ROBO2: variants seen among roughly 807,000 people sequenced by gnomAD.
ROBO2 encodes roundabout homolog 2.
Under a neutral mutation model 160.8 loss-of-function variants are expected in ROBO2, and 53 were observed. That is an observed-to-expected ratio of 0.33 (90% CI 0.26 to 0.41). ROBO2 has a LOEUF of 0.41. Among genes scored for constraint, ROBO2 ranks in the 10% least tolerant of loss-of-function variants. The pLI, the probability that ROBO2 is intolerant of heterozygous loss-of-function variation, is 1.00. For missense variants in ROBO2, 1,577 were observed against 1,722.4 expected, an observed-to-expected ratio of 0.92 and a Z score of 1.49; for synonymous variants, 664 against 611.7, an observed-to-expected ratio of 1.09 and a Z score of -1.26.
chr3:77,021,976 C>A (rs1355277633), intron 2 of ROBO2, among the ~76,000 whole-genome samples: 1 of 152,154 alleles, frequency 6.6e-6, no homozygotes, highest in African/African-American at 2.4e-5. Context: ...TGTAGTGGCT[C>A]ATACCTATAA....
At chr3:76,972,529 A>T (rs1449166717) in intron 2 of ROBO2, among the ~76,000 whole-genome samples, 1 of 152,034 alleles carries the variant, frequency 6.6e-6, no homozygotes, top group Non-Finnish European at 1.5e-5. Flanking sequence ...TGTATAGATT[A>T]TATATATAAA....
chr3:77,099,701 C>T (rs1480443058), intron 2 of ROBO2, among the ~76,000 whole-genome samples: 1 of 151,948 alleles, frequency 6.6e-6, no homozygotes, highest in Non-Finnish European at 1.5e-5. Context: ...ATTGAAATAC[C>T]TCAATACCAA....
At position 76,882,369 on chromosome 3, in the gene ROBO2, G is replaced by A. The variant is rs78605854; in HGVS notation, c.110-215645G>A. On this transcript the variant is annotated intron_variant, in intron 2 of 26. Transcript: ENST00000487694. The stretch of plus-strand genomic sequence containing the variant: ...ATTATTTCATGTGTTCCACAGCTGA[G>A]TTTATCTTTCTCGGTTTTACCTACT... 1.2e-3 allele frequency among the ~76,000 whole-genome samples: 186 copies of A among 152,136 alleles called. 1 individual carries two copies. Among genetic ancestry groups the A allele is most frequent in the African/African-American group, 4.1e-3 (170 of 41,510 alleles).
At chr3:77,638,367 G>T (rs186004777) in intron 24 of ROBO2, among the ~76,000 whole-genome samples, 4 of 152,250 alleles carry the variant, frequency 2.6e-5, no homozygotes, top group African/African-American at 9.6e-5. Flanking sequence ...TTTTAGCACT[G>T]GGATACCATC....
intron 2 of ROBO2, among the ~76,000 whole-genome samples, chr3:77,288,616 G>T (rs2060785831): frequency 6.6e-6 from 1 of 151,928 alleles, no homozygotes; most frequent in African/African-American, 2.4e-5. Context: ...CAACAGCTGA[G>T]GAAATTTCCA....
chr3:76,910,836 T>G lies in ROBO2; in HGVS notation c.110-187178T>G, dbSNP rs372003319. ...AGGAAGCATTAATCATTAAAATATT[T>G]TTCATGTGTTTCCTTTTGAGGAGGG... is the stretch of plus-strand genomic sequence containing the variant. On this transcript the variant is annotated intron_variant, in intron 2 of 26. Coordinates refer to the ROBO2 transcript ENST00000487694. Among the ~76,000 whole-genome samples the G allele has an allele frequency of 2.0e-5, 3 of 152,076 alleles. No homozygotes were observed. In the East Asian group the frequency reaches 5.8e-4, roughly 29 times the overall value.
chr3:76,290,689 T>C (rs1357247731), intron 2 of ROBO2, among the ~76,000 whole-genome samples: 2 of 152,076 alleles, frequency 1.3e-5, no homozygotes, highest in African/African-American at 4.8e-5. Flanking sequence ...TTTTGAGGTG[T>C]GTTCCTTTGA....
At chr3:76,179,365 A>G (rs984821147) in intron 2 of ROBO2, among the ~76,000 whole-genome samples, 3 of 152,176 alleles carry the variant, frequency 2.0e-5, no homozygotes, top group Non-Finnish European at 2.9e-5. Context: ...TGCCCACTGC[A>G]AACCTACCTC....
At chr3:77,629,610 T>G (rs554844137) in intron 23 of ROBO2, 3 of 152,204 alleles carry the variant, frequency 2.0e-5, no homozygotes, top group Non-Finnish European at 2.9e-5. Flanking sequence ...TAAATATCAA[T>G]ATTCAAGTAT....
chr3:77,337,195 G>A (rs9855374), intron 2 of ROBO2, among the ~76,000 whole-genome samples: 121,516 of 152,156 alleles, frequency 0.8, 48,970 homozygotes, highest in Non-Finnish European at 0.86. Context: ...CACTGTCACA[G>A]AGATACATTT....
chr3:76,302,353 A>C (rs878994134), intron 2 of ROBO2, among the ~76,000 whole-genome samples: 1 of 152,124 alleles, frequency 6.6e-6, no homozygotes, highest in Non-Finnish European at 1.5e-5. Context: ...TAGTAAAGTT[A>C]ACTGTGCAAC....
intron 2 of ROBO2, among the ~76,000 whole-genome samples, chr3:76,729,235 CTT>C (rs3041236): frequency 0.64 from 96,125 of 151,094 alleles, 30,542 homozygotes; most frequent in Admixed American, 0.67. Flanking sequence ...GAGTAACTGT[CTT>C]TTTTTTTTTT....
chr3:77,390,019 C>T (rs1048241998), intron 2 of ROBO2, among the ~76,000 whole-genome samples: 2 of 152,162 alleles, frequency 1.3e-5, no homozygotes, highest in Non-Finnish European at 2.9e-5. Flanking sequence ...TGTATTTAAA[C>T]AGCAGCAACC....
intron 2 of ROBO2, among the ~76,000 whole-genome samples, chr3:76,619,192 T>A (rs1363860493): frequency 6.6e-6 from 1 of 151,308 alleles, no homozygotes; most frequent in Non-Finnish European, 1.5e-5. Context: ...TACAAAAAAT[T>A]AGCCGGGCGT....
At chr3:77,229,538 G>C (rs532703298) in intron 2 of ROBO2, among the ~76,000 whole-genome samples, 1 of 151,972 alleles carries the variant, frequency 6.6e-6, no homozygotes, top group Admixed American at 6.6e-5. Flanking sequence ...GTGGGCTCTT[G>C]TAATTCCAGC....
At chr3:76,540,366 A>G (rs914610850) in intron 2 of ROBO2, among the ~76,000 whole-genome samples, 8 of 152,228 alleles carry the variant, frequency 5.3e-5, no homozygotes. Context: ...TGCAATAGCT[A>G]AAAGAGAATC....
chr3:77,460,363 C>T (rs1396150607), intron 2 of ROBO2, among the ~76,000 whole-genome samples: 3 of 152,064 alleles, frequency 2.0e-5, no homozygotes, highest in African/African-American at 7.2e-5. Context: ...TTGAGTTACT[C>T]TTAGACATTC....
chr3:77,242,761 G>A (rs1381280896), intron 2 of ROBO2, among the ~76,000 whole-genome samples: 1 of 151,614 alleles, frequency 6.6e-6, no homozygotes. Context: ...ATGTTTTTAT[G>A]TGTTTGCTAC....
intron 2 of ROBO2, among the ~76,000 whole-genome samples, chr3:77,211,813 A>C (rs2084209838): frequency 6.6e-6 from 1 of 152,310 alleles, no homozygotes; most frequent in South Asian, 2.1e-4. Flanking sequence ...TTTCCCCAGC[A>C]CCATTTATTA....
Sources: allele counts gnomAD v4.1 joint callset (sites outside exome capture counted in the v4.1 genomes callset), GRCh38; gene constraint gnomAD v4.1.1; transcripts MANE v1.5; gene names NCBI Gene and HGNC (gene_info 2026-07-23, HGNC 2026-07-21).